Variants in ANKRD30A observed in about 807,000 individuals in gnomAD.
ANKRD30A encodes ankyrin repeat domain-containing protein 30A.
In ANKRD30A, 170 loss-of-function variants were observed where a neutral mutation model predicts 166.3. The observed-to-expected ratio is 1.02, with a 90% CI of 0.90 to 1.16. The LOEUF (loss-of-function observed/expected upper bound fraction) is 1.16, where lower values mean the gene tolerates loss of function less well. ANKRD30A is among the 50% of genes most tolerant of loss of function. The pLI, the probability that ANKRD30A is intolerant of heterozygous loss-of-function variation, is 0.00. For missense variants in ANKRD30A, 1,630 were observed against 1,518.0 expected (o/e 1.07, Z -1.23); for synonymous variants, 564 against 508.9 (o/e 1.11, Z -1.46).
rs114787004 is a variant in ANKRD30A, at chr10:37,131,356, A to G, written c.511-884A>G. On this transcript the variant is annotated intron_variant, in intron 3 of 35. Transcript: ENST00000361713. ...TGGATTACTGCATTTTAAGAAGTAGATATGCATTAGAATTTTAGGATTATC... is the reference window on the plus strand; with the variant it reads ...TGGATTACTGCATTTTAAGAAGTAGGTATGCATTAGAATTTTAGGATTATC... 4.4e-3 allele frequency among the ~76,000 whole-genome samples: 664 copies of G among 152,330 alleles called. 8 individuals are homozygous for G. Among genetic ancestry groups the G allele is most frequent in the African/African-American group, 0.015 (620 of 41,566 alleles).
downstream of ANKRD30A, among the ~76,000 whole-genome samples, chr10:37,234,924 C>A (rs1207389904): frequency 6.6e-6 from 1 of 152,126 alleles, no homozygotes; most frequent in East Asian, 1.9e-4. Flanking sequence ...AACATTGTGT[C>A]ATATCAGAAT....
rs1226278805 is a variant in ANKRD30A at position 37,149,843 on chromosome 10, A to G, written c.1639A>G (p.Arg547Gly). The G allele has an allele frequency of 6.2e-7, 1 of 1,612,636 alleles. No individual in the cohort carries two copies. Among genetic ancestry groups the G allele is most frequent in the Admixed American group, 1.7e-5 (1 of 59,932 alleles). ...TGAATTGAAGAATGAACAAACATTG[A>G]GAGCAGGTAAATTTTTCAATTTAAC... ...AFELKNEQTL[R>G]ADPMFPPESK... is the part of the protein sequence containing the mutation. Residue 547 changes from arginine to glycine, a missense_variant, in exon 11 of 36, where the codon AGA becomes GGA. Transcript: ENST00000361713.
chr10:37,155,312 T>A (rs900203021), intron 13 of ANKRD30A, among the ~76,000 whole-genome samples: 3 of 152,350 alleles, frequency 2.0e-5, no homozygotes, highest in Middle Eastern at 3.4e-3. Context: ...ATGGCTAAGC[T>A]GGAAATTACA....
chr10:37,248,028 GAAAA>G, the ANKRD30A span: 1 of 309,968 alleles, frequency 3.2e-6, no homozygotes, highest in Non-Finnish European at 6.4e-6. Flanking sequence ...AAGTAAAACT[GAAAA>G]AAAAAAAAAT....
At chr10:37,164,894 C>A (rs1015587273) in intron 17 of ANKRD30A, among the ~76,000 whole-genome samples, 200 bp from the exon 18 acceptor site, 5 of 152,000 alleles carry the variant, frequency 3.3e-5, no homozygotes, top group Admixed American at 6.6e-5. Context: ...ATTCTAATGA[C>A]ATAATGTTAA....
At chr10:37,194,518 T>C (rs376117486) in intron 27 of ANKRD30A, among the ~76,000 whole-genome samples, 72 of 152,072 alleles carry the variant, frequency 4.7e-4, no homozygotes, top group East Asian at 1.4e-3. Context: ...TGTTTTGTAT[T>C]TTTAGTAGAG....
At chr10:37,256,422 A>G in the ANKRD30A span, among the ~76,000 whole-genome samples, 1 of 152,122 alleles carries the variant, frequency 6.6e-6, no homozygotes, top group East Asian at 1.9e-4. Context: ...ACACTTGGCT[A>G]ATATATTTCT....
chr10:37,234,450 G>A (rs1843585782), downstream of ANKRD30A, among the ~76,000 whole-genome samples: 6 of 152,010 alleles, frequency 3.9e-5, no homozygotes. Flanking sequence ...GACTTAGCTG[G>A]TTTAAAGTTT....
chr10:37,216,895 C>T (rs1435854514), intron 32 of ANKRD30A, among the ~76,000 whole-genome samples: 1 of 150,794 alleles, frequency 6.6e-6, no homozygotes, highest in Non-Finnish European at 1.5e-5. Context: ...TTCTTCTTTC[C>T]CCAAGACTCG....
At chr10:37,223,530 CTA>C (rs2132753454) in intron 34 of ANKRD30A, among the ~76,000 whole-genome samples, 1 of 151,382 alleles carries the variant, frequency 6.6e-6, no homozygotes, top group East Asian at 1.9e-4. Context: ...GTAAATATAA[CTA>C]ATTATTTTTT....
chr10:37,178,695 A>T, intron 24 of ANKRD30A: 1 of 764,956 alleles, frequency 1.3e-6, no homozygotes, highest in Non-Finnish European at 1.6e-6. Context: ...CACTCCTCAA[A>T]GTAAAAGGAA....
the ANKRD30A span, among the ~76,000 whole-genome samples, chr10:37,260,292 C>T: frequency 6.6e-6 from 1 of 152,128 alleles, no homozygotes; most frequent in African/African-American, 2.4e-5. Context: ...TTAGTTTAGC[C>T]TGTCCATTCC....
chr10:37,261,592 A>G, the ANKRD30A span, among the ~76,000 whole-genome samples: 1 of 152,226 alleles, frequency 6.6e-6, no homozygotes, highest in Non-Finnish European at 1.5e-5. Flanking sequence ...AGAAATTTTA[A>G]TCTTCATAAA....
intron 25 of ANKRD30A, among the ~76,000 whole-genome samples, chr10:37,190,060 G>A (rs943994663): frequency 6.6e-6 from 1 of 151,828 alleles, no homozygotes; most frequent in African/African-American, 2.4e-5. Context: ...AAGCCATTAG[G>A]GATGGAAGCA....
intron 31 of ANKRD30A, among the ~76,000 whole-genome samples, chr10:37,204,983 G>A (rs577642482): frequency 1.6e-4 from 24 of 152,156 alleles, no homozygotes; most frequent in African/African-American, 4.8e-4. Flanking sequence ...AAATAGGAAC[G>A]CTTTTACACT....
intron 13 of ANKRD30A, among the ~76,000 whole-genome samples, chr10:37,155,145 T>C (rs774311322): frequency 2.6e-4 from 39 of 152,204 alleles, no homozygotes; most frequent in Non-Finnish European, 4.3e-4. Context: ...TATTCATAGG[T>C]ATTTTACTGA....
At chr10:37,190,338 T>A (rs71489113) in intron 25 of ANKRD30A, among the ~76,000 whole-genome samples, 38 of 151,596 alleles carry the variant, frequency 2.5e-4, no homozygotes, top group Admixed American at 6.6e-4. Context: ...TTTGTGGGAA[T>A]AATGTGGAAG....
At chr10:37,257,596 G>A in the ANKRD30A span, among the ~76,000 whole-genome samples, 1 of 152,074 alleles carries the variant, frequency 6.6e-6, no homozygotes, top group Non-Finnish European at 1.5e-5. Context: ...CTGGTACATT[G>A]TCTCTTTGTT....
chr10:37,249,526 TATA>T, the ANKRD30A span, among the ~76,000 whole-genome samples: 2 of 152,178 alleles, frequency 1.3e-5, no homozygotes, highest in East Asian at 1.9e-4. Flanking sequence ...TCCATTATGT[TATA>T]ATAACATTTT....
Sources: allele counts gnomAD v4.1 joint callset (sites outside exome capture counted in the v4.1 genomes callset), GRCh38; gene constraint gnomAD v4.1.1; transcripts MANE v1.5; gene names NCBI Gene and HGNC (gene_info 2026-07-23, HGNC 2026-07-21).